KLHL24: variants seen among roughly 807,000 people sequenced by gnomAD.
KLHL24 encodes the protein kelch like family member 24.
A neutral mutation model predicts 53.4 loss-of-function variants in KLHL24; 29 were observed. The ratio of observed to expected loss-of-function variants is 0.54; its 90% CI spans 0.40 to 0.74. The LOEUF (loss-of-function observed/expected upper bound fraction) is 0.74. KLHL24 is among the 30% of genes least tolerant of loss of function. The pLI, the probability that KLHL24 is intolerant of heterozygous loss-of-function variation, is 0.00. For synonymous variants in KLHL24, 222 were observed against 253.7 expected (o/e 0.88, Z 1.19); for missense variants, 504 against 744.0 (o/e 0.68, Z 3.75).
intron 7 of KLHL24, among the ~76,000 whole-genome samples, chr3:183,678,752 T>C (rs1378230938): frequency 1.3e-5 from 2 of 152,198 alleles, no homozygotes; most frequent in Admixed American, 6.5e-5. Flanking sequence ...CTCCCACTTA[T>C]AAGTGAGAAC....
intron 1 of KLHL24, among the ~76,000 whole-genome samples, chr3:183,642,086 C>T (rs936180852): frequency 8.5e-5 from 13 of 152,186 alleles, no homozygotes; most frequent in Non-Finnish European, 1.9e-4. Flanking sequence ...TTTGGCTCTA[C>T]TCTTAGCCAA....
At chr3:183,669,002 C>G (rs1482667573) in intron 5 of KLHL24, among the ~76,000 whole-genome samples, 1 of 152,074 alleles carries the variant, frequency 6.6e-6, no homozygotes, top group East Asian at 1.9e-4. Flanking sequence ...GAGATCAAGT[C>G]ACTTCCCAAG....
intron 3 of KLHL24, among the ~76,000 whole-genome samples, chr3:183,651,857 G>A (rs1412094290): frequency 2.0e-5 from 3 of 152,008 alleles, no homozygotes; most frequent in African/African-American, 4.8e-5. Context: ...GTTGAGGTGG[G>A]AGGACTGCTT....
intron 5 of KLHL24, among the ~76,000 whole-genome samples, chr3:183,670,799 A>G (rs745695207): frequency 2.6e-5 from 4 of 152,248 alleles, no homozygotes; most frequent in African/African-American, 4.8e-5. Context: ...TGGTATTACA[A>G]TTTTATTGAG....
Position 183,681,612 on chromosome 3 carries a change from A to G in KLHL24, c.*2326A>G, listed in dbSNP as rs1712682935. ...CATAAATTAAGTACTTAAAATTTAT[A>G]TTGAAGGCCACCAAGAACTTAGGTT... On this transcript the variant is annotated 3_prime_UTR_variant, in exon 8 of 8. Transcript: ENST00000242810. The G allele has an allele frequency of 6.6e-6, 1 of 152,290 alleles. No individual in the cohort carries two copies. Among genetic ancestry groups the G allele is most frequent in the Admixed American group, 6.6e-5 (1 of 15,266 alleles). 9.4% of individuals were successfully genotyped at this position (152,290 alleles called of 1,614,324 possible).
intron 1 of KLHL24, among the ~76,000 whole-genome samples, chr3:183,639,589 C>T (rs1716000323): frequency 6.9e-6 from 1 of 145,768 alleles, no homozygotes. Context: ...AAGATCGCGC[C>T]GCTGCACTCC....
At chr3:183,669,441 T>G (rs764255847) in intron 5 of KLHL24, among the ~76,000 whole-genome samples, 2 of 152,214 alleles carry the variant, frequency 1.3e-5, no homozygotes, top group Admixed American at 6.5e-5. Flanking sequence ...GAGCTGGTGA[T>G]CAAAGCCTGT....
Position 183,679,904 on chromosome 3 carries a change from A to C in KLHL24, c.*618A>C, listed in dbSNP as rs1328840214. ...TTAGAATTGCTGTCTTACATTAAAC[A>C]TGTTTTTAGGGGGAAGTTAGGTAGG... On this transcript the variant is annotated 3_prime_UTR_variant, in exon 8 of 8. Transcript: ENST00000242810. 1.3e-5 allele frequency: 2 copies of C among 152,286 alleles called. No individual in the cohort carries two copies. Among genetic ancestry groups the C allele is most frequent in the Admixed American group, 1.3e-4 (2 of 15,284 alleles). 9.4% of individuals were successfully genotyped at this position (152,286 alleles called of 1,614,324 possible). A position where few individuals can be genotyped will look rare whatever the true frequency, so the allele number is the denominator to read the frequency against.
intron 7 of KLHL24, among the ~76,000 whole-genome samples, chr3:183,676,144 A>C (rs1219910229): frequency 6.6e-6 from 1 of 152,184 alleles, no homozygotes; most frequent in South Asian, 2.1e-4. Context: ...TACTAAATAC[A>C]TCTATGCACA....
Position 183,676,162 on chromosome 3 carries a change from C to G in KLHL24, c.1603-2924C>G, listed in dbSNP as rs148382470. Among the ~76,000 whole-genome samples, 1,051 of 152,292 alleles carry G rather than the reference C, an allele frequency of 6.9e-3. 3 individuals are homozygous for G. Among genetic ancestry groups the G allele is most frequent in the Non-Finnish European group, 0.01 (699 of 68,026 alleles). Reference sequence around the variant, plus strand: ...TAAATACATCTATGCACACATTGATCTCGGCTCACTGCAACCTCCGCCTCC... The same window carrying G: ...TAAATACATCTATGCACACATTGATGTCGGCTCACTGCAACCTCCGCCTCC... On this transcript the variant is annotated intron_variant, in intron 7 of 7. Transcript: ENST00000242810.
chr3:183,636,041 C>T (rs1395767856), intron 1 of KLHL24, among the ~76,000 whole-genome samples: 1 of 151,892 alleles, frequency 6.6e-6, no homozygotes, highest in African/African-American at 2.4e-5. Flanking sequence ...CACTACGGCC[C>T]GGAACCGCGG....
At chr3:183,647,213 T>C (rs1162899671) in intron 2 of KLHL24, among the ~76,000 whole-genome samples, 1 of 148,940 alleles carries the variant, frequency 6.7e-6, no homozygotes, top group Non-Finnish European at 1.5e-5. Flanking sequence ...GAGGTCATAT[T>C]GAGACCATCC....
At chr3:183,637,298 AAGC>A (rs1715458417) in intron 1 of KLHL24, among the ~76,000 whole-genome samples, 1 of 152,202 alleles carries the variant, frequency 6.6e-6, no homozygotes, top group African/African-American at 2.4e-5. Context: ...TGAGATTTAA[AAGC>A]AGATTTCTAC....
chr3:183,683,111 T>G lies in KLHL24; in HGVS notation c.*3825T>G, dbSNP rs1393552312. The G allele has an allele frequency of 6.6e-6, 1 of 151,942 alleles. No individual in the cohort carries two copies. The highest frequency in any genetic ancestry group is 1.5e-5 in the Non-Finnish European group (1 of 68,050). The allele number at this position is 151,942 out of a possible 1,614,324, so 9.4% of individuals were successfully genotyped here. A position where few individuals can be genotyped will look rare whatever the true frequency, so the allele number is the denominator to read the frequency against. ...GGTGCGTGCCACCACACCCGGCTAA[T>G]TTTTTTGTATTTTTAGTAGAGACGG... is the stretch of plus-strand genomic sequence containing the variant. On this transcript the variant is annotated 3_prime_UTR_variant, in exon 8 of 8. Transcript: ENST00000242810.
chr3:183,660,258 G>C (rs556607965), intron 3 of KLHL24, among the ~76,000 whole-genome samples: 1 of 151,356 alleles, frequency 6.6e-6, no homozygotes, highest in Non-Finnish European at 1.5e-5. Flanking sequence ...TCAGCCTCCT[G>C]AGTAGCTGGG....
At position 183,679,381 on chromosome 3, in the gene KLHL24, A is replaced by C. The variant is rs1484614670; in HGVS notation, c.*95A>C. On this transcript the variant is annotated 3_prime_UTR_variant, in exon 8 of 8. Transcript: ENST00000242810. ...ACTTCACATATCTCCTTTGTGCCAT[A>C]TGCAAAAAATAGTAAAAATAATAAT... 2 of 785,286 alleles carry C rather than the reference A, an allele frequency of 2.5e-6. No individual in the cohort carries two copies. Among genetic ancestry groups the C allele is most frequent in the East Asian group, 5.4e-5 (2 of 37,246 alleles). The allele number at this position is 785,286 out of a possible 1,614,324, so 48.6% of individuals were successfully genotyped here. A position where few individuals can be genotyped will look rare whatever the true frequency, so the allele number is the denominator to read the frequency against.
In KLHL24 at chr3:183,675,092, C is replaced by T. The variant is rs117171986; in HGVS notation, c.1602+2608C>T. Among the ~76,000 whole-genome samples, 251 of 152,164 alleles carry T rather than the reference C, an allele frequency of 1.6e-3. 3 individuals carry two copies. The East Asian group carries it at 0.039, about 24-fold the overall frequency. On this transcript the variant is annotated intron_variant, in intron 7 of 7. Transcript: ENST00000242810. ...CTAGAATTTAGTCTTCTTGAGGACA[C>T]TATTTCTTCTAACTCATCTTGTATG...
At chr3:183,635,968 T>TG (rs1288380113) in intron 1 of KLHL24, among the ~76,000 whole-genome samples, 175 bp downstream of exon 1, 4 of 152,074 alleles carry the variant, frequency 2.6e-5, no homozygotes, top group East Asian at 1.9e-4. Context: ...AGGGTTCACC[T>TG]GGGGGGTCTT....
chr3:183,660,369 G>C (rs1346253112), intron 3 of KLHL24, among the ~76,000 whole-genome samples: 1 of 152,014 alleles, frequency 6.6e-6, no homozygotes, highest in African/African-American at 2.4e-5. Flanking sequence ...GGGCTCAAGT[G>C]ATCCTCCCCC....
Sources: gnomAD v4.1 joint callset for allele counts (sites outside exome capture counted in the v4.1 genomes callset) on GRCh38, gnomAD v4.1.1 for gene constraint, MANE v1.5 for transcripts, NCBI Gene and HGNC (gene_info 2026-07-23, HGNC 2026-07-21) for gene names.